Variants in CIT observed in about 807,000 individuals in gnomAD.
The protein encoded by CIT is citron Rho-interacting kinase.
Under a neutral mutation model 272.7 loss-of-function variants are expected in CIT, and 79 were observed. The observed-to-expected ratio is 0.29, with a 90% CI of 0.24 to 0.35. CIT has a LOEUF of 0.35. CIT is among the 10% of genes least tolerant of loss of function. The pLI is 1.00. For synonymous variants in CIT, 948 were observed against 995.6 expected, an observed-to-expected ratio of 0.95 and a Z score of 0.90; for missense variants, 1,909 against 2,618.3, an observed-to-expected ratio of 0.73 and a Z score of 5.91.
intron 46 of CIT, among the ~76,000 whole-genome samples, chr12:119,692,385 TATCAAC>T (rs1391691533): frequency 6.6e-6 from 1 of 152,282 alleles, no homozygotes; most frequent in Non-Finnish European, 1.5e-5. Context: ...GCTATAATTT[TATCAAC>T]TTGTTCATTT....
intron 9 of CIT, chr12:119,803,988 CTTTT>C: frequency 5.5e-6 from 1 of 180,966 alleles, no homozygotes; most frequent in Non-Finnish European, 1.0e-5. Context: ...TTATTAACCA[CTTTT>C]TTTTTTTTTT....
intron 32 of CIT, among the ~76,000 whole-genome samples, chr12:119,717,112 G>T (rs1268981958): frequency 6.6e-6 from 1 of 152,220 alleles, no homozygotes; most frequent in Non-Finnish European, 1.5e-5. Context: ...GAATGCAATG[G>T]CTTTATCTTG....
At chr12:119,717,707 C>T (rs1957584457) in intron 32 of CIT, among the ~76,000 whole-genome samples, 1 of 152,018 alleles carries the variant, frequency 6.6e-6, no homozygotes. Context: ...TGGCGTGAGC[C>T]ACCATGCCCA....
chr12:119,696,380 T>A (rs1184417249), intron 46 of CIT, among the ~76,000 whole-genome samples: 1 of 152,338 alleles, frequency 6.6e-6, no homozygotes, highest in Middle Eastern at 3.4e-3. Flanking sequence ...TTGGTTTGAC[T>A]CTGCCTTGAC....
chr12:119,839,535 G>A (rs1019777676), intron 5 of CIT, among the ~76,000 whole-genome samples: 7 of 152,118 alleles, frequency 4.6e-5, no homozygotes, highest in Non-Finnish European at 8.8e-5. Flanking sequence ...GAGCAGAGTG[G>A]CCCCGATATT....
chr12:119,836,620 G>A (rs1331257208), intron 5 of CIT, among the ~76,000 whole-genome samples: 1 of 152,152 alleles, frequency 6.6e-6, no homozygotes, highest in Non-Finnish European at 1.5e-5. Context: ...TTTTAGTACT[G>A]AAATGTCTTA....
chr12:119,743,244 G>A (rs61938367), intron 23 of CIT, among the ~76,000 whole-genome samples: 1 of 151,946 alleles, frequency 6.6e-6, no homozygotes, highest in Non-Finnish European at 1.5e-5. Flanking sequence ...AAAAAAAAAG[G>A]AATAAGAAAG....
intron 7 of CIT, among the ~76,000 whole-genome samples, chr12:119,825,910 A>G (rs552755557): frequency 3.8e-4 from 58 of 152,312 alleles, no homozygotes; most frequent in Non-Finnish European, 6.2e-4. Context: ...TCTATTAAAA[A>G]TACAAAAATT....
chr12:119,736,982 T>G (rs1958802003), intron 24 of CIT, among the ~76,000 whole-genome samples: 1 of 152,234 alleles, frequency 6.6e-6, no homozygotes, highest in South Asian at 2.1e-4. Flanking sequence ...GGTTGGTTTC[T>G]TCATCTGTGA....
At position 119,690,509 on chromosome 12, in the gene CIT, T is replaced by G. The variant is rs1232415935; in HGVS notation, c.5883-55A>C. On this transcript the variant is annotated intron_variant, in intron 46 of 47. Coordinates refer to ENST00000392521, the MANE Select transcript of CIT (RefSeq NM_001206999.2). The surrounding 1 kb of genome is among the most constrained non-coding windows in gnomAD (Gnocchi z 6.0). ...GCGAGGCCACAACCCCAGAGGGGCA[T>G]TTTCCTTCTTACCTGAGCAACCCCC... is the stretch of plus-strand genomic sequence containing the variant. 1 of 1,477,526 alleles carries G rather than the reference T, an allele frequency of 6.8e-7. No individual in the cohort carries two copies. Among genetic ancestry groups the G allele is most frequent in the East Asian group, 2.6e-5 (1 of 39,190 alleles). The allele number at this position is 1,477,526 out of a possible 1,614,324, so 91.5% of individuals were successfully genotyped here.
At chr12:119,873,582 T>C (rs1950749562) in intron 2 of CIT, among the ~76,000 whole-genome samples, 1 of 152,024 alleles carries the variant, frequency 6.6e-6, no homozygotes, top group Admixed American at 6.6e-5. Flanking sequence ...GCCCAGCAAG[T>C]TGGAGATATT....
At chr12:119,743,118 T>A (rs1226704574) in intron 23 of CIT, among the ~76,000 whole-genome samples, 1 of 152,072 alleles carries the variant, frequency 6.6e-6, no homozygotes, top group Non-Finnish European at 1.5e-5. Flanking sequence ...TGTGGAAGGA[T>A]ATAGGCATCC....
At chr12:119,868,956 G>A (rs1166556046) in intron 3 of CIT, 104 bp downstream of exon 3, 1 of 1,360,060 alleles carries the variant, frequency 7.4e-7, no homozygotes, top group African/African-American at 1.5e-5. Context: ...TATAGAACCA[G>A]AGTTCTTACC....
At chr12:119,798,414 C>G (rs1038933482) in intron 10 of CIT, among the ~76,000 whole-genome samples, 1 of 152,174 alleles carries the variant, frequency 6.6e-6, no homozygotes, top group Non-Finnish European at 1.5e-5. Context: ...GATCTCCCCA[C>G]GCCTCAGTTT....
chr12:119,806,083 G>C (rs915063649), intron 9 of CIT, among the ~76,000 whole-genome samples: 3 of 128,154 alleles, frequency 2.3e-5, no homozygotes, highest in African/African-American at 9.3e-5. Flanking sequence ...GTTGCAGTGA[G>C]CCAAGATCGT....
chr12:119,757,219 C>T, intron 22 of CIT, 152 bp downstream of exon 22: 7 of 978,970 alleles, frequency 7.2e-6, no homozygotes, highest in Non-Finnish European at 1.1e-5. Context: ...AGGTTCCTTG[C>T]CTCCAGACCC....
At chr12:119,748,307 C>A (rs765379377) in intron 23 of CIT, among the ~76,000 whole-genome samples, 9 of 152,208 alleles carry the variant, frequency 5.9e-5, no homozygotes, top group Non-Finnish European at 1.3e-4. Context: ...CAGAGAGATA[C>A]TTTCTTTTGG....
At chr12:119,826,240 T>C (rs189597485) in intron 7 of CIT, among the ~76,000 whole-genome samples, 1 of 152,264 alleles carries the variant, frequency 6.6e-6, no homozygotes, top group East Asian at 1.9e-4. Context: ...TGAGTTCTTT[T>C]TCCTCACCCC....
rs188892550 is a variant in CIT at position 119,852,603 on chromosome 12, G to A, written c.415-2328C>T. On this transcript the variant is annotated intron_variant, in intron 4 of 47. Coordinates refer to ENST00000392521, the MANE Select transcript of CIT (RefSeq NM_001206999.2). Reference sequence around the variant, plus strand: ...ATGGTGGTGTGCTACTTGTGGAGCTGAGGCAGGAGAATCACTGGAACCCGG... The same window carrying A: ...ATGGTGGTGTGCTACTTGTGGAGCTAAGGCAGGAGAATCACTGGAACCCGG... Among the ~76,000 whole-genome samples, 400 of 152,050 alleles carry A rather than the reference G, an allele frequency of 2.6e-3. 2 individuals are homozygous for A. Among genetic ancestry groups the A allele is most frequent in the African/African-American group, 9.0e-3 (373 of 41,488 alleles).
Sources: allele counts gnomAD v4.1 joint callset (sites outside exome capture counted in the v4.1 genomes callset), GRCh38; gene constraint gnomAD v4.1.1; non-coding constraint Gnocchi (gnomAD v3.1); transcripts MANE v1.5; gene names NCBI Gene and HGNC (gene_info 2026-07-23, HGNC 2026-07-21).